The following UNC5C variants were observed in gnomAD, a reference collection of about 807,000 sequenced individuals.
The protein encoded by UNC5C is netrin receptor UNC5C.
Under a neutral mutation model 99.8 loss-of-function variants are expected in UNC5C, and 47 were observed. The ratio of observed to expected loss-of-function variants is 0.47; its 90% CI spans 0.37 to 0.60. The LOEUF (loss-of-function observed/expected upper bound fraction) is 0.60, where lower values mean the gene tolerates loss of function less well. Among genes scored for constraint, UNC5C ranks in the 20% least tolerant of loss-of-function variants. The pLI is 0.00. For synonymous variants in UNC5C, 487 were observed against 452.2 expected (o/e 1.08, Z -0.98); for missense variants, 1,062 against 1,165.9 (o/e 0.91, Z 1.30).
chr4:95,204,816 A>G (rs1001004996), intron 11 of UNC5C, among the ~76,000 whole-genome samples: 5 of 152,234 alleles, frequency 3.3e-5, no homozygotes, highest in African/African-American at 1.2e-4. Context: ...TCAGAGGGCT[A>G]CACAAAGATG....
intron 2 of UNC5C, among the ~76,000 whole-genome samples, chr4:95,329,112 C>G (rs1019287102): frequency 6.6e-6 from 1 of 151,988 alleles, no homozygotes; most frequent in Non-Finnish European, 1.5e-5. Context: ...GGCAACATAG[C>G]AAGACCCCAT....
At chr4:95,267,626 CTT>C (rs915460491) in intron 4 of UNC5C, among the ~76,000 whole-genome samples, 41 of 152,208 alleles carry the variant, frequency 2.7e-4, no homozygotes, top group African/African-American at 9.4e-4. Flanking sequence ...TTCTGATACA[CTT>C]TGACTATCTT....
rs145569684 is a variant in UNC5C, at chr4:95,422,216, A to G, written c.125-86585T>C. The stretch of plus-strand genomic sequence containing the variant: ...CCTGGATTGTCTGCATTTGCATAGT[A>G]ATATTAAGTTCATCTTCTTGGCATG... On this transcript the variant is annotated intron_variant, in intron 1 of 15. Coordinates refer to ENST00000453304, the MANE Select transcript of UNC5C (RefSeq NM_003728.4). Among the ~76,000 whole-genome samples the G allele has an allele frequency of 8.9e-4, 136 of 152,316 alleles. 4 individuals are homozygous for G. The East Asian group carries it at 0.019, about 22-fold the overall frequency.
chr4:95,423,947 A>G (rs571909506), intron 1 of UNC5C, among the ~76,000 whole-genome samples: 181 of 152,374 alleles, frequency 1.2e-3, no homozygotes, highest in African/African-American at 4.2e-3. Flanking sequence ...GAATAGAAAT[A>G]TGCTTATGGC....
intron 1 of UNC5C, among the ~76,000 whole-genome samples, chr4:95,467,485 T>C (rs1443303284): frequency 6.6e-6 from 1 of 152,146 alleles, no homozygotes; most frequent in Non-Finnish European, 1.5e-5. Flanking sequence ...TTTCACATTA[T>C]CACTGGAAGT....
chr4:95,407,402 G>A (rs1420099439), intron 1 of UNC5C, among the ~76,000 whole-genome samples: 1 of 152,012 alleles, frequency 6.6e-6, no homozygotes, highest in Non-Finnish European at 1.5e-5. Context: ...AAAGTGAGAG[G>A]GTAGAGGCAG....
intron 7 of UNC5C, among the ~76,000 whole-genome samples, chr4:95,238,971 T>A (rs528295364): frequency 3.2e-4 from 48 of 152,350 alleles, no homozygotes; most frequent in African/African-American, 1.2e-3. Context: ...AAATATGGTT[T>A]GTCTTTTTAC....
intron 3 of UNC5C, 136 bp from the exon 4 acceptor site, chr4:95,278,498 A>C: frequency 1.5e-6 from 1 of 656,308 alleles, no homozygotes; most frequent in Non-Finnish European, 2.6e-6. Flanking sequence ...TTTTTGAGAC[A>C]GGGTCTCACT....
intron 1 of UNC5C, among the ~76,000 whole-genome samples, chr4:95,537,926 C>T (rs1487862318): frequency 2.6e-5 from 4 of 152,120 alleles, no homozygotes; most frequent in Non-Finnish European, 5.9e-5. Flanking sequence ...AATCACTTCA[C>T]TTTAAATAAA....
intron 1 of UNC5C, among the ~76,000 whole-genome samples, chr4:95,445,082 C>T (rs1747058905): frequency 6.6e-6 from 1 of 152,238 alleles, no homozygotes; most frequent in Non-Finnish European, 1.5e-5. Context: ...AAAGCTGTCA[C>T]CTCACCCAAC....
intron 1 of UNC5C, among the ~76,000 whole-genome samples, chr4:95,368,981 A>G (rs1056171295): frequency 2.0e-5 from 3 of 151,850 alleles, no homozygotes; most frequent in African/African-American, 7.3e-5. Flanking sequence ...GCAGTGGCAC[A>G]ATTACAGCTC....
chr4:95,537,863 C>T (rs781577709), intron 1 of UNC5C, among the ~76,000 whole-genome samples: 18 of 152,006 alleles, frequency 1.2e-4, no homozygotes, highest in Non-Finnish European at 2.1e-4. Context: ...GGGGGAGCGT[C>T]GTATAGTTTC....
intron 5 of UNC5C, 44 bp from the exon 6 acceptor site, chr4:95,245,188 A>C (rs1240290995): frequency 3.8e-6 from 6 of 1,573,440 alleles, no homozygotes; most frequent in Non-Finnish European, 5.2e-6. Context: ...ACATGTGTGC[A>C]TGCACAACAC....
In UNC5C at chr4:95,169,357, T is replaced by C. The variant is rs760377495; in HGVS notation, c.2673A>G (p.Val891=). 3 of 1,614,240 alleles carry C rather than the reference T, an allele frequency of 1.9e-6. No homozygotes were observed. Among genetic ancestry groups the C allele is most frequent in the Admixed American group, 3.3e-5 (2 of 60,028 alleles). The change falls in exon 16 of 16, where the codon GTA becomes GTG. Residue 891 remains valine (V), a synonymous_variant. Transcript: ENST00000453304. The part of the protein sequence containing the change: ...YFATKSSPTG[V]ILDLWEAQNF... ...TCTGTGCTTCCCAAAGATCCAGGAT[T>C]ACGCCAGTTGGGCTGGATTTGGTGG...
intron 1 of UNC5C, among the ~76,000 whole-genome samples, chr4:95,498,601 C>T (rs2149483678): frequency 6.6e-6 from 1 of 152,008 alleles, no homozygotes; most frequent in Admixed American, 6.6e-5. Context: ...GTATCCCAAA[C>T]TTTAAGCCAA....
At chr4:95,481,471 G>T (rs1721151813) in intron 1 of UNC5C, among the ~76,000 whole-genome samples, 1 of 151,798 alleles carries the variant, frequency 6.6e-6, no homozygotes, top group African/African-American at 2.4e-5. Context: ...TCCCCATCAA[G>T]CTACCAATGA....
chr4:95,422,723 A>G (rs144611785), intron 1 of UNC5C, among the ~76,000 whole-genome samples: 1 of 152,314 alleles, frequency 6.6e-6, no homozygotes, highest in African/African-American at 2.4e-5. Context: ...CAGAGAATGG[A>G]GTTTGCTTTA....
intron 4 of UNC5C, among the ~76,000 whole-genome samples, chr4:95,278,039 C>T (rs920578557): frequency 2.0e-5 from 3 of 152,172 alleles, no homozygotes; most frequent in African/African-American, 4.8e-5. Context: ...AAAACTAAAC[C>T]AAGCTGCCTG....
At chr4:95,529,697 G>A (rs562764097) in intron 1 of UNC5C, among the ~76,000 whole-genome samples, 12 of 151,824 alleles carry the variant, frequency 7.9e-5, no homozygotes, top group East Asian at 3.9e-4. Flanking sequence ...ACTGCATTTC[G>A]GCCTGAGTAA....
Sources: gnomAD v4.1 joint callset for allele counts (sites outside exome capture counted in the v4.1 genomes callset) on GRCh38, gnomAD v4.1.1 for gene constraint, MANE v1.5 for transcripts, NCBI Gene and HGNC (gene_info 2026-07-23, HGNC 2026-07-21) for gene names.